The following ARHGAP22 variants were observed in gnomAD, a reference collection of about 807,000 sequenced individuals.
The protein encoded by ARHGAP22 is Rho GTPase activating protein 22, also known as rho GTPase-activating protein 22.
Under a neutral mutation model 59.1 loss-of-function variants are expected in ARHGAP22, and 48 were observed. The observed-to-expected ratio is 0.81, with a 90% CI of 0.64 to 1.03. The LOEUF (loss-of-function observed/expected upper bound fraction) is 1.03, where lower values mean the gene tolerates loss of function less well. ARHGAP22 is among the 50% of genes least tolerant of loss of function. The probability of loss-of-function intolerance (pLI) is 0.00; values close to 1 mark genes in which losing one functional copy is unlikely to be tolerated. For missense variants in ARHGAP22, 1,015 were observed against 958.7 expected (o/e 1.06, Z -0.78); for synonymous variants, 445 against 416.4 (o/e 1.07, Z -0.84).
intron 1 of ARHGAP22, among the ~76,000 whole-genome samples, chr10:48,623,289 G>A (rs1457375543): frequency 1.3e-5 from 2 of 152,250 alleles, no homozygotes; most frequent in Non-Finnish European, 2.9e-5. Context: ...AGCCAGCACT[G>A]GTCAGGGCAG....
chr10:48,618,801 A>G (rs1420261202), intron 1 of ARHGAP22, among the ~76,000 whole-genome samples: 1 of 152,024 alleles, frequency 6.6e-6, no homozygotes, highest in Non-Finnish European at 1.5e-5. Context: ...AAGGATGCCC[A>G]CTCTCGCCAC....
intron 3 of ARHGAP22, among the ~76,000 whole-genome samples, chr10:48,482,253 AG>A (rs373095504): frequency 2.0e-5 from 3 of 152,332 alleles, no homozygotes; most frequent in African/African-American, 7.2e-5. Flanking sequence ...ATTTACATGT[AG>A]GTCTATGAGT....
chr10:48,514,099 T>C (rs979992423), intron 3 of ARHGAP22, among the ~76,000 whole-genome samples: 3 of 151,948 alleles, frequency 2.0e-5, no homozygotes, highest in Non-Finnish European at 4.4e-5. Flanking sequence ...TAATTGAGAA[T>C]AGCCAGTCTG....
At chr10:48,531,384 T>C (rs1037621666) in intron 3 of ARHGAP22, among the ~76,000 whole-genome samples, 20 of 152,228 alleles carry the variant, frequency 1.3e-4, no homozygotes, top group Non-Finnish European at 2.8e-4. Flanking sequence ...CTTATTCATG[T>C]AATAAACACC....
At chr10:48,603,098 C>T (rs1029406884) in intron 1 of ARHGAP22, among the ~76,000 whole-genome samples, 6 of 152,190 alleles carry the variant, frequency 3.9e-5, no homozygotes, top group South Asian at 2.1e-4. Flanking sequence ...CTGGCCTATA[C>T]GCACTAGATG....
chr10:48,643,163 T>C (rs2062127223), intron 1 of ARHGAP22, among the ~76,000 whole-genome samples: 2 of 152,198 alleles, frequency 1.3e-5, no homozygotes, highest in Non-Finnish European at 2.9e-5. Flanking sequence ...AGTTCGACCA[T>C]TGTGGAAGAC....
intron 3 of ARHGAP22, among the ~76,000 whole-genome samples, chr10:48,509,705 G>A (rs751800476): frequency 6.6e-6 from 1 of 152,138 alleles, no homozygotes; most frequent in Non-Finnish European, 1.5e-5. Flanking sequence ...CTTCCCAGAA[G>A]GTTATTGGAA....
rs191596031 is a variant in ARHGAP22 at position 48,583,982 on chromosome 10, C to T, written c.35-830G>A. 9.8e-5 allele frequency among the ~76,000 whole-genome samples: 15 copies of T among 152,288 alleles called. 1 individual carries two copies. Among genetic ancestry groups the T allele is most frequent in the African/African-American group, 3.4e-4 (14 of 41,562 alleles). ...ACAGGGATGACTGAATTCTTGTCCC[C>T]TCTGCCCCTACTCCTTCCCCTTCTG... On this transcript the variant is annotated intron_variant, in intron 1 of 9. Coordinates refer to ENST00000249601, the MANE Select transcript of ARHGAP22 (RefSeq NM_021226.4).
intron 1 of ARHGAP22, among the ~76,000 whole-genome samples, chr10:48,585,218 G>GA (rs1301346205): frequency 6.6e-6 from 1 of 152,130 alleles, no homozygotes. Context: ...ATGTTTCAAA[G>GA]AAAATGCTAA....
intron 4 of ARHGAP22, among the ~76,000 whole-genome samples, chr10:48,475,490 C>G (rs1210106261): frequency 6.6e-6 from 1 of 152,140 alleles, no homozygotes; most frequent in African/African-American, 2.4e-5. Context: ...CCATATCTTC[C>G]TTCCAAATAG....
At chr10:48,587,194 C>A (rs1295819211) in intron 1 of ARHGAP22, among the ~76,000 whole-genome samples, 1 of 152,200 alleles carries the variant, frequency 6.6e-6, no homozygotes, top group Non-Finnish European at 1.5e-5. Context: ...TGCTGCCTCC[C>A]CTTCTCCATC....
intron 3 of ARHGAP22, among the ~76,000 whole-genome samples, chr10:48,523,013 C>G (rs999016074): frequency 2.0e-5 from 3 of 152,218 alleles, no homozygotes; most frequent in African/African-American, 7.2e-5. Context: ...GTGAAACCAG[C>G]CTGTACATTG....
intron 2 of ARHGAP22, among the ~76,000 whole-genome samples, chr10:48,565,252 C>T (rs984042671): frequency 4.6e-5 from 7 of 152,276 alleles, no homozygotes; most frequent in Non-Finnish European, 1.0e-4. Flanking sequence ...ATCTCCCTCA[C>T]AGATCTCTGA....
At chr10:48,554,711 G>A (rs2057170436) in intron 3 of ARHGAP22, among the ~76,000 whole-genome samples, 1 of 152,200 alleles carries the variant, frequency 6.6e-6, no homozygotes, top group African/African-American at 2.4e-5. Flanking sequence ...TCTTGGATGA[G>A]ACCCCTCTGA....
chr10:48,590,562 C>T (rs535087432), intron 1 of ARHGAP22, among the ~76,000 whole-genome samples: 16 of 152,160 alleles, frequency 1.1e-4, no homozygotes, highest in African/African-American at 2.9e-4. Flanking sequence ...ATTCTGACAA[C>T]GTCCCCATCC....
chr10:48,488,716 C>T lies in ARHGAP22; in HGVS notation c.323-8952G>A, dbSNP rs557410068. On this transcript the variant is annotated intron_variant, in intron 3 of 9. Coordinates refer to ENST00000249601, the MANE Select transcript of ARHGAP22 (RefSeq NM_021226.4). ...GGTGCCATGCTTTGCCTGGCATTAG[C>T]GTGGGTGCTGTTGCCTCTGATCCTT... Among the ~76,000 whole-genome samples the T allele has an allele frequency of 2.2e-4, 34 of 152,324 alleles. 1 individual carries two copies. The highest frequency in any genetic ancestry group is 1.5e-3 in the Admixed American group (23 of 15,298).
chr10:48,491,006 G>A (rs2050337029), intron 3 of ARHGAP22, among the ~76,000 whole-genome samples: 1 of 152,046 alleles, frequency 6.6e-6, no homozygotes, highest in Non-Finnish European at 1.5e-5. Flanking sequence ...CCTGGTCTGG[G>A]CCACCACCAC....
chr10:48,434,845 G>C, the ARHGAP22 span: 1 of 1,569,112 alleles, frequency 6.4e-7, no homozygotes, highest in Non-Finnish European at 8.7e-7. Context: ...ATCTGCAGCT[G>C]TCTGCAACTG....
At chr10:48,597,770 G>A (rs1267649706) in intron 1 of ARHGAP22, among the ~76,000 whole-genome samples, 1 of 152,166 alleles carries the variant, frequency 6.6e-6, no homozygotes, top group African/African-American at 2.4e-5. Context: ...CCTGGGATCG[G>A]TAAAATCAAT....
Sources: gnomAD v4.1 joint callset for allele counts (sites outside exome capture counted in the v4.1 genomes callset) on GRCh38, gnomAD v4.1.1 for gene constraint, MANE v1.5 for transcripts, NCBI Gene and HGNC (gene_info 2026-07-23, HGNC 2026-07-21) for gene names.